Variants in NF1 observed in about 807,000 individuals in gnomAD.
The protein encoded by NF1 is neurofibromin.
In NF1, 122 loss-of-function variants were observed where a neutral mutation model predicts 325.7. That is an observed-to-expected ratio of 0.37 (90% CI 0.32 to 0.44). The LOEUF is 0.44. Among genes scored for constraint, NF1 ranks in the 20% least tolerant of loss-of-function variants. The pLI is 1.00. For missense variants in NF1, 2,140 were observed against 3,415.4 expected (o/e 0.63, Z 9.31); for synonymous variants, 1,091 against 1,186.0 (o/e 0.92, Z 1.65).
At chr17:31,165,000 C>G (rs1166882319) in intron 4 of NF1, among the ~76,000 whole-genome samples, 1 of 151,968 alleles carries the variant, frequency 6.6e-6, no homozygotes, top group South Asian at 2.1e-4. Flanking sequence ...AAACGCAAAC[C>G]CTTTTCATTT....
chr17:31,217,932 T>C (rs1197824280), intron 13 of NF1, among the ~76,000 whole-genome samples: 1 of 102,846 alleles, frequency 9.7e-6, no homozygotes, highest in Admixed American at 1.0e-4. Context: ...GCCATTGCAC[T>C]CCGTTTCAAA....
In NF1 at chr17:31,175,049, C is replaced by T. The variant is rs538379508; in HGVS notation, c.586+5052C>T. Among the ~76,000 whole-genome samples the T allele has an allele frequency of 1.3e-4, 16 of 124,242 alleles. No individual in the cohort carries two copies. In the South Asian group the frequency reaches 3.3e-3, roughly 25 times the overall value. The allele number at this position is 124,242 out of a possible 152,430, so 81.5% of individuals were successfully genotyped here. On this transcript the variant is annotated intron_variant, in intron 5 of 57. Coordinates refer to ENST00000358273, the MANE Select transcript of NF1 (RefSeq NM_001042492.3). ...GCTTGAACCTGGGAGACGGAGGTTG[C>T]GTGAGCCAAAATTGTGCCATTGCAC...
At chr17:31,180,863 A>G (rs2066117139) in intron 5 of NF1, among the ~76,000 whole-genome samples, 1 of 152,212 alleles carries the variant, frequency 6.6e-6, no homozygotes, top group Non-Finnish European at 1.5e-5. Context: ...TCTCAGCCCA[A>G]AATCTCCTTA....
chr17:31,263,978 G>A (rs1165752758), intron 35 of NF1, among the ~76,000 whole-genome samples: 4 of 152,004 alleles, frequency 2.6e-5, no homozygotes, highest in African/African-American at 9.7e-5. Context: ...TGATATCTAG[G>A]TTGTTTCCAT....
chr17:31,324,436 T>C (rs1204847956), intron 36 of NF1, among the ~76,000 whole-genome samples: 1 of 152,232 alleles, frequency 6.6e-6, no homozygotes, highest in Admixed American at 6.5e-5. Flanking sequence ...GGATATCCAT[T>C]GCCTCAAAGA....
intron 39 of NF1, among the ~76,000 whole-genome samples, chr17:31,334,161 C>T (rs988090659): frequency 5.3e-5 from 8 of 151,346 alleles, no homozygotes; most frequent in African/African-American, 1.2e-4. Flanking sequence ...TGGTGGTGGG[C>T]GCCTGTAGTC....
chr17:31,230,838 A>G lies in NF1; in HGVS notation c.3114-4A>G, dbSNP rs201550230. Reference sequence around the variant, plus strand: ...CTGTTTCTCTTTTCTCCACCATTCTATAGGAATAAGATGGTAGAATACCTG... The same window carrying G: ...CTGTTTCTCTTTTCTCCACCATTCTGTAGGAATAAGATGGTAGAATACCTG... On this transcript the variant is annotated splice_region_variant and splice_polypyrimidine_tract_variant and intron_variant, in intron 23 of 57. Transcript: ENST00000358273. The G allele has an allele frequency of 3.2e-5, 51 of 1,586,554 alleles. No homozygotes were observed. The highest frequency in any genetic ancestry group is 4.0e-5 in the Non-Finnish European group (46 of 1,156,288).
intron 1 of NF1, among the ~76,000 whole-genome samples, chr17:31,121,737 C>T (rs1031826014): frequency 6.6e-6 from 1 of 152,116 alleles, no homozygotes; most frequent in African/African-American, 2.4e-5. Context: ...TATTGATTTA[C>T]ATATGTTGAG....
At chr17:31,175,963 A>G (rs1234063525) in intron 5 of NF1, among the ~76,000 whole-genome samples, 1 of 152,198 alleles carries the variant, frequency 6.6e-6, no homozygotes, top group African/African-American at 2.4e-5. Context: ...TGCTGTTGTG[A>G]ACAGTGCTGC....
rs770558820 is a variant in NF1 at position 31,325,926 on chromosome 17, A to G, written c.4942A>G (p.Thr1648Ala). Residue 1648 changes from threonine (T) to alanine (A), a missense_variant, in exon 37 of 58, where the codon ACC (threonine) becomes GCC (alanine). Thr to Ala is a moderately conservative substitution (Grantham distance 58). Coordinates refer to ENST00000358273, the MANE Select transcript of NF1 (RefSeq NM_001042492.3). ...TGAAATTGTAGTGGACCTTACCCAT[A>G]CCGGGCCTAGCAATCGCTTTAAAAC... ...PYEIVVDLTH[T>A]GPSNRFKTDF... is the part of the protein sequence containing the mutation. 3.1e-5 allele frequency: 50 copies of G among 1,614,066 alleles called. No individual in the cohort carries two copies. The East Asian group carries it at 1.1e-3, about 36-fold the overall frequency.
chr17:31,350,070 T>C lies in NF1; in HGVS notation c.7322-113T>C, dbSNP rs1339612989. 8.3e-6 allele frequency: 9 copies of C among 1,085,448 alleles called. No homozygotes were observed. The South Asian group carries it at 1.0e-4, about 12-fold the overall frequency. The allele number at this position is 1,085,448 out of a possible 1,614,324, so 67.2% of individuals were successfully genotyped here. On this transcript the variant is annotated intron_variant, in intron 49 of 57. Coordinates refer to ENST00000358273, the MANE Select transcript of NF1 (RefSeq NM_001042492.3). ...CACATTTATGTAGTCTTCCAAAATA[T>C]GTGCACATTTAACAGGTACTATGCT... is the stretch of plus-strand genomic sequence containing the variant.
intron 39 of NF1, among the ~76,000 whole-genome samples, chr17:31,332,989 C>T (rs1243276969): frequency 6.6e-6 from 1 of 152,056 alleles, no homozygotes; most frequent in East Asian, 1.9e-4. Context: ...TGCCTGTAAT[C>T]CCACCTGCTC....
chr17:31,244,154 G>C (rs963437964), intron 29 of NF1, among the ~76,000 whole-genome samples: 5 of 152,108 alleles, frequency 3.3e-5, no homozygotes, highest in African/African-American at 9.7e-5. Context: ...ACTCTGCCTG[G>C]TGCCCTCTCC....
chr17:31,101,483 T>C (rs1477518307), intron 1 of NF1, among the ~76,000 whole-genome samples: 1 of 152,224 alleles, frequency 6.6e-6, no homozygotes, highest in East Asian at 1.9e-4. Context: ...AGCATGTCTC[T>C]GTGACCCAGC....
chr17:31,181,601 CA>C (rs1483695842), intron 6 of NF1, 108 bp from the exon 7 acceptor site: 44 of 1,290,484 alleles, frequency 3.4e-5, no homozygotes, highest in Non-Finnish European at 5.0e-5. Context: ...CATTCATTTT[CA>C]GGAAGAATAC....
chr17:31,257,931 G>A (rs1402769081), intron 31 of NF1, among the ~76,000 whole-genome samples: 3 of 152,096 alleles, frequency 2.0e-5, no homozygotes, highest in Non-Finnish European at 4.4e-5. Context: ...GGGGTGTGCT[G>A]TTGAAAATTT....
chr17:31,135,231 G>C (rs1476355118), intron 1 of NF1, among the ~76,000 whole-genome samples: 1 of 152,164 alleles, frequency 6.6e-6, no homozygotes, highest in East Asian at 1.9e-4. Context: ...TCAGTTTTGT[G>C]TGTGTGTTAT....
intron 8 of NF1, among the ~76,000 whole-genome samples, chr17:31,198,862 G>A (rs754103778): frequency 2.0e-5 from 3 of 151,992 alleles, no homozygotes; most frequent in Non-Finnish European, 4.4e-5. Flanking sequence ...CAAGTGATTC[G>A]CCTGCTTTGG....
chr17:31,230,946 A>C, intron 24 of NF1, 21 bp downstream of exon 24: 1 of 1,573,258 alleles, frequency 6.4e-7, no homozygotes, highest in Non-Finnish European at 8.7e-7. Context: ...AATGACCTTC[A>C]AGTATTAGTG....
Sources: allele counts gnomAD v4.1 joint callset (sites outside exome capture counted in the v4.1 genomes callset), GRCh38; gene constraint gnomAD v4.1.1; transcripts MANE v1.5; gene names NCBI Gene and HGNC (gene_info 2026-07-23, HGNC 2026-07-21).